The following ITGBL1 variants were observed in gnomAD, a reference collection of about 807,000 sequenced individuals.
ITGBL1 encodes the protein integrin subunit beta like 1, also known as integrin beta-like protein 1.
In ITGBL1, 51 loss-of-function variants were observed where a neutral mutation model predicts 68.5. The observed-to-expected ratio is 0.74, with a 90% CI of 0.59 to 0.94. The LOEUF (loss-of-function observed/expected upper bound fraction) is 0.94, where lower values mean the gene tolerates loss of function less well. Among genes scored for constraint, ITGBL1 ranks in the 40% least tolerant of loss-of-function variants. The probability of loss-of-function intolerance (pLI) is 0.00; values close to 1 mark genes in which losing one functional copy is unlikely to be tolerated. For synonymous variants in ITGBL1, 209 were observed against 227.3 expected, an observed-to-expected ratio of 0.92 and a Z score of 0.72; for missense variants, 649 against 647.4, an observed-to-expected ratio of 1.00 and a Z score of -0.03.
intron 7 of ITGBL1, among the ~76,000 whole-genome samples, chr13:101,608,544 A>C (rs2030982765): frequency 1.3e-5 from 2 of 152,042 alleles, no homozygotes; most frequent in Admixed American, 1.3e-4. Context: ...TACCATATAC[A>C]GTGATTATGA....
chr13:101,600,250 G>C (rs377335696), intron 7 of ITGBL1, among the ~76,000 whole-genome samples: 2 of 152,050 alleles, frequency 1.3e-5, no homozygotes, highest in East Asian at 1.9e-4. Flanking sequence ...TCTGTTGTTG[G>C]TGTATAAGAA....
At chr13:101,695,449 TTACTC>T (rs1283719388) in intron 8 of ITGBL1, among the ~76,000 whole-genome samples, 1 of 152,198 alleles carries the variant, frequency 6.6e-6, no homozygotes, top group African/African-American at 2.4e-5. Context: ...ACTTGAGGCT[TTACTC>T]TAAAGGTGAC....
chr13:101,705,576 G>C (rs1030229523), intron 8 of ITGBL1, among the ~76,000 whole-genome samples: 2 of 151,570 alleles, frequency 1.3e-5, no homozygotes, highest in Non-Finnish European at 2.9e-5. Flanking sequence ...CTGTTAGAGG[G>C]ATTTCTGTAG....
At position 101,716,030 on chromosome 13, in the gene ITGBL1, C is replaced by G. The variant is rs2139626035; in HGVS notation, c.*376C>G. On this transcript the variant is annotated 3_prime_UTR_variant, in exon 11 of 11. Coordinates refer to ENST00000376180, the MANE Select transcript of ITGBL1 (RefSeq NM_004791.3). ...ATGCTGCTGAGCATCCCGCAGTGTACAGGACAGCCCCCAAACAAGGAATTA... is the reference window on the plus strand; with the variant it reads ...ATGCTGCTGAGCATCCCGCAGTGTAGAGGACAGCCCCCAAACAAGGAATTA... 6.0e-6 allele frequency: 1 copy of G among 166,126 alleles called. No individual in the cohort carries two copies. The highest frequency in any genetic ancestry group is 6.1e-5 in the Admixed American group (1 of 16,338). 10.3% of individuals were successfully genotyped at this position (166,126 alleles called of 1,614,324 possible).
At chr13:101,476,748 G>A (rs1566691783) in intron 2 of ITGBL1, among the ~76,000 whole-genome samples, 1 of 151,970 alleles carries the variant, frequency 6.6e-6, no homozygotes, top group African/African-American at 2.4e-5. Flanking sequence ...CTATATAAGA[G>A]GCAAGTTTAT....
chr13:101,507,148 C>A (rs1303935390), intron 2 of ITGBL1, among the ~76,000 whole-genome samples: 1 of 152,160 alleles, frequency 6.6e-6, no homozygotes, highest in South Asian at 2.1e-4. Flanking sequence ...CTTTTCCTTG[C>A]AACTTCATGA....
chr13:101,610,803 C>T (rs565718195), intron 7 of ITGBL1, among the ~76,000 whole-genome samples: 19 of 152,086 alleles, frequency 1.2e-4, no homozygotes, highest in East Asian at 1.9e-4. Flanking sequence ...ACAAATATGT[C>T]GGGAGAAGGG....
chr13:101,520,351 T>A (rs994354663), intron 2 of ITGBL1, among the ~76,000 whole-genome samples: 1 of 152,194 alleles, frequency 6.6e-6, no homozygotes, highest in Non-Finnish European at 1.5e-5. Context: ...TTATTAGCAG[T>A]GCTTTTTAGA....
chr13:101,645,494 C>T (rs2032528654), intron 7 of ITGBL1, among the ~76,000 whole-genome samples: 1 of 148,292 alleles, frequency 6.7e-6, no homozygotes, highest in African/African-American at 2.6e-5. Context: ...CATTATAAAC[C>T]TGAAAAAAAA....
At chr13:101,558,911 A>ATGTGTG (rs57018896) in intron 2 of ITGBL1, among the ~76,000 whole-genome samples, 5 of 150,288 alleles carry the variant, frequency 3.3e-5, no homozygotes, top group African/African-American at 4.9e-5. Context: ...TTGTGTGTGT[A>ATGTGTG]TGTGTGTGTG....
At chr13:101,583,629 T>C (rs2050502276) in intron 6 of ITGBL1, among the ~76,000 whole-genome samples, 1 of 152,120 alleles carries the variant, frequency 6.6e-6, no homozygotes, top group Non-Finnish European at 1.5e-5. Flanking sequence ...TATCAAAACA[T>C]CCCATGTACC....
intron 6 of ITGBL1, among the ~76,000 whole-genome samples, chr13:101,591,988 C>T (rs753474352): frequency 4.6e-5 from 7 of 151,948 alleles, no homozygotes; most frequent in African/African-American, 7.3e-5. Context: ...AATGTACTTC[C>T]GAAGAAATGT....
chr13:101,583,530 A>C (rs2050500508), intron 6 of ITGBL1, among the ~76,000 whole-genome samples, 174 bp downstream of exon 6: 1 of 152,162 alleles, frequency 6.6e-6, no homozygotes, highest in Non-Finnish European at 1.5e-5. Flanking sequence ...AAAGAGTATA[A>C]TTGGATTGTT....
chr13:101,647,412 T>G (rs1454656227), intron 7 of ITGBL1, among the ~76,000 whole-genome samples: 3 of 152,230 alleles, frequency 2.0e-5, no homozygotes, highest in Non-Finnish European at 4.4e-5. Flanking sequence ...TGGTTCAGTT[T>G]CTTTTTATGA....
intron 7 of ITGBL1, among the ~76,000 whole-genome samples, chr13:101,653,980 G>A (rs1370983899): frequency 6.6e-6 from 1 of 151,372 alleles, no homozygotes; most frequent in East Asian, 1.9e-4. Context: ...AAAGTGCTGG[G>A]ATTACAGGCA....
Position 101,715,714 on chromosome 13 carries a change from C to A in ITGBL1, c.*60C>A, listed in dbSNP as rs188773082. ...TCTGGGCCATTAGAACAGATAAATG[C>A]GAAGGAAACCATGTATATTCACCAC... On this transcript the variant is annotated 3_prime_UTR_variant, in exon 11 of 11. Transcript: ENST00000376180. 1 of 1,054,432 alleles carries A rather than the reference C, an allele frequency of 9.5e-7. No individual in the cohort carries two copies. Among genetic ancestry groups the A allele is most frequent in the Non-Finnish European group, 1.5e-6 (1 of 670,578 alleles). The allele number at this position is 1,054,432 out of a possible 1,614,324, so 65.3% of individuals were successfully genotyped here.
intron 6 of ITGBL1, among the ~76,000 whole-genome samples, chr13:101,588,559 T>C (rs1369882): frequency 0.016 from 2,486 of 152,198 alleles, 70 homozygotes; most frequent in African/African-American, 0.056. Flanking sequence ...ATGTGGCAAA[T>C]TGATCTTTTT....
chr13:101,672,154 A>C (rs1435725394), intron 7 of ITGBL1, among the ~76,000 whole-genome samples: 1 of 152,256 alleles, frequency 6.6e-6, no homozygotes, highest in Non-Finnish European at 1.5e-5. Context: ...TCTTTAGTAA[A>C]GATTGGGATG....
intron 7 of ITGBL1, among the ~76,000 whole-genome samples, chr13:101,681,423 T>C (rs372581542): frequency 1.8e-4 from 28 of 152,190 alleles, no homozygotes; most frequent in African/African-American, 6.5e-4. Flanking sequence ...CTTTCACAAA[T>C]GTGCAAAAAT....
Sources: allele counts gnomAD v4.1 joint callset (sites outside exome capture counted in the v4.1 genomes callset), GRCh38; gene constraint gnomAD v4.1.1; transcripts MANE v1.5; gene names NCBI Gene and HGNC (gene_info 2026-07-23, HGNC 2026-07-21).